The following AUTS2 variants were observed in gnomAD, a reference collection of about 807,000 sequenced individuals.
The protein encoded by AUTS2 is activator of transcription and developmental regulator AUTS2.
A neutral mutation model predicts 112.4 loss-of-function variants in AUTS2; 17 were observed. The ratio of observed to expected loss-of-function variants is 0.15; its 90% CI spans 0.10 to 0.23. AUTS2 has a LOEUF of 0.23. Ranked by LOEUF, AUTS2 falls within the 10% of genes least tolerant of loss-of-function variation. The probability of loss-of-function intolerance (pLI) is 1.00; values close to 1 mark genes in which losing one functional copy is unlikely to be tolerated. For missense variants in AUTS2, 1,510 were observed against 1,701.6 expected, an observed-to-expected ratio of 0.89 and a Z score of 1.98; for synonymous variants, 751 against 702.7, an observed-to-expected ratio of 1.07 and a Z score of -1.09.
intron 4 of AUTS2, among the ~76,000 whole-genome samples, chr7:70,191,161 C>CTTTTTTTTTTTT (rs34637651): frequency 2.3e-5 from 2 of 86,414 alleles, no homozygotes; most frequent in African/African-American, 4.7e-5. Flanking sequence ...CCACTTATTT[C>CTTTTTTTTTTTT]TTTTTTTTTT....
intron 18 of AUTS2, among the ~76,000 whole-genome samples, chr7:70,788,818 G>GCTCTC: frequency 6.6e-6 from 1 of 152,334 alleles, no homozygotes; most frequent in East Asian, 1.9e-4. Context: ...GCAGCCTGCT[G>GCTCTC]CTCTCCTCAA....
At chr7:69,843,983 A>T (rs1167229713) in intron 1 of AUTS2, among the ~76,000 whole-genome samples, 1 of 152,194 alleles carries the variant, frequency 6.6e-6, no homozygotes, top group Non-Finnish European at 1.5e-5. Flanking sequence ...TCTTTGTATC[A>T]TGTGAGAGTT....
At chr7:70,669,658 A>T (rs918318592) in intron 5 of AUTS2, among the ~76,000 whole-genome samples, 46 of 152,330 alleles carry the variant, frequency 3.0e-4, no homozygotes, top group African/African-American at 1.1e-3. Flanking sequence ...TTCTTTTCAG[A>T]TATTTAATAA....
At chr7:70,470,451 A>G (rs1797335340) in intron 5 of AUTS2, among the ~76,000 whole-genome samples, 1 of 152,240 alleles carries the variant, frequency 6.6e-6, no homozygotes, top group Non-Finnish European at 1.5e-5. Context: ...AGTCTGCTCA[A>G]TAGAGAGAGG....
At position 69,624,429 on chromosome 7, in the gene AUTS2, A is replaced by G. The variant is rs142449468; in HGVS notation, c.309+24467A>G. On this transcript the variant is annotated intron_variant, in intron 1 of 18. Transcript: ENST00000342771. The stretch of plus-strand genomic sequence containing the variant: ...CCCAATCAGAACATTTAAAGCCCTG[A>G]TGGTTTTTCTTTTTTCCACTGAAGA... 4.1e-3 allele frequency among the ~76,000 whole-genome samples: 631 copies of G among 152,254 alleles called. 6 individuals carry two copies. Among genetic ancestry groups the G allele is most frequent in the African/African-American group, 0.014 (588 of 41,546 alleles).
chr7:70,654,703 A>G (rs1313799285), intron 5 of AUTS2, among the ~76,000 whole-genome samples: 1 of 152,232 alleles, frequency 6.6e-6, no homozygotes, highest in Non-Finnish European at 1.5e-5. Flanking sequence ...TATTGAGGCT[A>G]ATTCGTGAAA....
intron 1 of AUTS2, among the ~76,000 whole-genome samples, chr7:69,758,180 G>T (rs1329368173): frequency 1.3e-5 from 2 of 152,170 alleles, no homozygotes; most frequent in Non-Finnish European, 2.9e-5. Context: ...CTGGATGTGG[G>T]GATGATGATC....
intron 6 of AUTS2, among the ~76,000 whole-genome samples, chr7:70,760,193 G>A (rs941329642): frequency 6.6e-6 from 1 of 152,144 alleles, no homozygotes; most frequent in Non-Finnish European, 1.5e-5. Context: ...TTTTAGTAGA[G>A]GCAGGGTTTC....
At chr7:70,558,025 G>A (rs1178373939) in intron 5 of AUTS2, among the ~76,000 whole-genome samples, 5 of 152,142 alleles carry the variant, frequency 3.3e-5, no homozygotes, top group African/African-American at 7.2e-5. Flanking sequence ...TGGGGATGGC[G>A]TTCCCACCTT....
At chr7:70,394,847 G>A (rs1794014050) in intron 4 of AUTS2, among the ~76,000 whole-genome samples, 1 of 151,982 alleles carries the variant, frequency 6.6e-6, no homozygotes. Context: ...GGAGGCCAAA[G>A]TGAGAGGATC....
intron 4 of AUTS2, among the ~76,000 whole-genome samples, chr7:70,267,873 C>G (rs1008286176): frequency 6.6e-6 from 1 of 152,194 alleles, no homozygotes; most frequent in African/African-American, 2.4e-5. Flanking sequence ...TTTTCCCCCC[C>G]TACACTTGCA....
Position 69,857,180 on chromosome 7 carries a change from C to T in AUTS2, c.310-42106C>T, listed in dbSNP as rs546941557. ...TCACACATACACTTAGAGGGCTCCT[C>T]GTCTGCTCCCCCTAGCTAAGCAGCC... On this transcript the variant is annotated intron_variant, in intron 1 of 18. Coordinates refer to ENST00000342771, the MANE Select transcript of AUTS2 (RefSeq NM_015570.4). 1.6e-4 allele frequency among the ~76,000 whole-genome samples: 24 copies of T among 152,282 alleles called. No individual in the cohort carries two copies. In the South Asian group the frequency reaches 2.9e-3, roughly 18 times the overall value.
intron 4 of AUTS2, among the ~76,000 whole-genome samples, chr7:70,407,834 C>A (rs1439664726): frequency 1.3e-5 from 2 of 152,038 alleles, no homozygotes; most frequent in Non-Finnish European, 1.5e-5. Context: ...GCGGGCGGAT[C>A]ATGGGGTCAG....
chr7:70,791,203 T>A lies in AUTS2; in HGVS notation c.*207T>A. ...TTTTTCAGATCTTTTAGCCCAGTCA[T>A]ATGTTCTCACGTCTCCTACTTTTTG... On this transcript the variant is annotated 3_prime_UTR_variant, in exon 19 of 19. Coordinates refer to ENST00000342771, the MANE Select transcript of AUTS2 (RefSeq NM_015570.4). 1 of 482,970 alleles carries A rather than the reference T, an allele frequency of 2.1e-6. No homozygotes were observed. The allele number at this position is 482,970 out of a possible 1,614,324, so 29.9% of individuals were successfully genotyped here.
chr7:70,762,318 A>G (rs1789612351), intron 6 of AUTS2, among the ~76,000 whole-genome samples: 1 of 152,124 alleles, frequency 6.6e-6, no homozygotes, highest in Admixed American at 6.5e-5. Context: ...TTTTTCTCAT[A>G]CAGAGACAGA....
chr7:70,159,686 A>G (rs1048252692), intron 4 of AUTS2, among the ~76,000 whole-genome samples: 2 of 152,216 alleles, frequency 1.3e-5, no homozygotes, highest in African/African-American at 4.8e-5. Context: ...GAAGAAGCAG[A>G]TAATCTTCTA....
chr7:70,045,308 G>A (rs913467648), intron 2 of AUTS2, among the ~76,000 whole-genome samples: 3 of 152,028 alleles, frequency 2.0e-5, no homozygotes, highest in Non-Finnish European at 2.9e-5. Flanking sequence ...CAACTGTTGC[G>A]CATTTGAAAT....
chr7:70,477,633 A>G (rs1585192103), intron 5 of AUTS2, among the ~76,000 whole-genome samples: 1 of 152,202 alleles, frequency 6.6e-6, no homozygotes, highest in South Asian at 2.1e-4. Flanking sequence ...TAATTAATTT[A>G]TAACAGCAAT....
intron 14 of AUTS2, among the ~76,000 whole-genome samples, chr7:70,778,268 C>T (rs1164358298): frequency 2.0e-5 from 3 of 152,008 alleles, no homozygotes; most frequent in East Asian, 3.8e-4. Context: ...GTTACGATGC[C>T]TGCAAAAATG....
Sources: gnomAD v4.1 joint callset for allele counts (sites outside exome capture counted in the v4.1 genomes callset) on GRCh38, gnomAD v4.1.1 for gene constraint, MANE v1.5 for transcripts, NCBI Gene and HGNC (gene_info 2026-07-23, HGNC 2026-07-21) for gene names.